CNTNAP2: variants seen among roughly 807,000 people sequenced by gnomAD.
CNTNAP2 encodes contactin associated protein 2.
Under a neutral mutation model 155.2 loss-of-function variants are expected in CNTNAP2, and 98 were observed. The observed-to-expected ratio is 0.63, with a 90% CI of 0.54 to 0.75. The LOEUF is 0.75. CNTNAP2 is among the 30% of genes least tolerant of loss of function. CNTNAP2 has a pLI of 0.00. For missense variants in CNTNAP2, 1,727 were observed against 1,688.1 expected, an observed-to-expected ratio of 1.02 and a Z score of -0.40; for synonymous variants, 651 against 631.2, an observed-to-expected ratio of 1.03 and a Z score of -0.47.
intron 5 of CNTNAP2, among the ~76,000 whole-genome samples, chr7:147,119,689 G>C (rs913925864): frequency 1.3e-5 from 2 of 151,964 alleles, no homozygotes; most frequent in East Asian, 3.9e-4. Flanking sequence ...GTAAGGTATG[G>C]GGGCATTAGC....
At chr7:147,844,945 T>C (rs1798802691) in intron 13 of CNTNAP2, among the ~76,000 whole-genome samples, 5 of 145,022 alleles carry the variant, frequency 3.4e-5, no homozygotes, top group Middle Eastern at 3.5e-3. Context: ...GGGATGAAGC[T>C]GACTTGATCA....
At position 147,942,287 on chromosome 7, in the gene CNTNAP2, G is replaced by T. The variant is rs57288916; in HGVS notation, c.2256-35575G>T. On this transcript the variant is annotated intron_variant, in intron 14 of 23. Transcript: ENST00000361727. ...CAGCAGCATGTCAGTAGCTGCCAAT[G>T]CTGATCAATTTCCTAGTGACATTGG... is the stretch of plus-strand genomic sequence containing the variant. Among the ~76,000 whole-genome samples, 758 of 152,276 alleles carry T rather than the reference G, an allele frequency of 5.0e-3. 2 individuals are homozygous for T. The highest frequency in any genetic ancestry group is 0.018 in the African/African-American group (733 of 41,560).
At chr7:147,223,536 G>A (rs533370341) in intron 8 of CNTNAP2, among the ~76,000 whole-genome samples, 1 of 152,286 alleles carries the variant, frequency 6.6e-6, no homozygotes, top group African/African-American at 2.4e-5. Flanking sequence ...ATGCACTGGG[G>A]AAAAGCATTG....
At chr7:147,561,134 A>G (rs1800055764) in intron 11 of CNTNAP2, among the ~76,000 whole-genome samples, 1 of 152,080 alleles carries the variant, frequency 6.6e-6, no homozygotes, top group African/African-American at 2.4e-5. Flanking sequence ...GGACCATGCA[A>G]TTATTTTTAA....
intron 21 of CNTNAP2, among the ~76,000 whole-genome samples, chr7:148,301,306 A>AAAATAT: frequency 0.012 from 1,272 of 103,780 alleles, 24 homozygotes; most frequent in African/African-American, 0.015. Flanking sequence ...AAAAAAAAAA[A>AAAATAT]ATATATATAT....
chr7:147,690,498 C>A (rs1796071752), intron 13 of CNTNAP2, among the ~76,000 whole-genome samples: 1 of 152,048 alleles, frequency 6.6e-6, no homozygotes, highest in Admixed American at 6.6e-5. Context: ...ATGATGGTGA[C>A]CACAATCATA....
chr7:148,162,956 C>A (rs145337206), intron 17 of CNTNAP2, among the ~76,000 whole-genome samples: 1 of 152,146 alleles, frequency 6.6e-6, no homozygotes, highest in African/African-American at 2.4e-5. Context: ...ACCATGATTG[C>A]GTCACTGCAC....
intron 13 of CNTNAP2, among the ~76,000 whole-genome samples, chr7:147,893,466 T>A (rs1273875059): frequency 6.6e-6 from 1 of 152,180 alleles, no homozygotes; most frequent in Non-Finnish European, 1.5e-5. Flanking sequence ...GGCCTCTTTG[T>A]TTCTTTATAG....
intron 3 of CNTNAP2, among the ~76,000 whole-genome samples, chr7:147,036,785 AG>A (rs1799158315): frequency 6.6e-6 from 1 of 152,168 alleles, no homozygotes; most frequent in Non-Finnish European, 1.5e-5. Context: ...CTTTGCTTTA[AG>A]TTTTTAATTT....
chr7:147,731,568 T>G (rs1476883271), intron 13 of CNTNAP2, among the ~76,000 whole-genome samples: 1 of 152,116 alleles, frequency 6.6e-6, no homozygotes, highest in Non-Finnish European at 1.5e-5. Flanking sequence ...CTGATGGAGA[T>G]ATACAAGAAG....
intron 1 of CNTNAP2, among the ~76,000 whole-genome samples, chr7:146,616,249 C>T (rs932935627): frequency 2.0e-5 from 3 of 151,948 alleles, no homozygotes; most frequent in Non-Finnish European, 2.9e-5. Context: ...CAAAGGATCA[C>T]GGTGAGGGGA....
chr7:147,706,940 T>A (rs1487917639), intron 13 of CNTNAP2, among the ~76,000 whole-genome samples: 1 of 152,170 alleles, frequency 6.6e-6, no homozygotes, highest in Non-Finnish European at 1.5e-5. Flanking sequence ...ATGTATTTTT[T>A]ATTTCATTTA....
chr7:147,411,700 G>A (rs552189437), intron 10 of CNTNAP2, among the ~76,000 whole-genome samples: 6 of 152,148 alleles, frequency 3.9e-5, no homozygotes, highest in African/African-American at 7.2e-5. Flanking sequence ...CAGAAGTTCC[G>A]TGCAACATTT....
chr7:147,683,201 A>G (rs969661521), intron 13 of CNTNAP2, among the ~76,000 whole-genome samples: 3 of 151,922 alleles, frequency 2.0e-5, no homozygotes, highest in African/African-American at 4.8e-5. Flanking sequence ...TACTCTGTGT[A>G]TTTGTCCAAC....
In CNTNAP2 at chr7:146,189,819, G is replaced by A. The variant is rs891029527; in HGVS notation, c.97+72846G>A. 2.2e-4 allele frequency among the ~76,000 whole-genome samples: 33 copies of A among 152,256 alleles called. No individual in the cohort carries two copies. In the East Asian group the frequency reaches 6.4e-3, roughly 29 times the overall value. ...TGCTCATTTAATGTAATCATTTGAA[G>A]CCTTATCACACTTCAATTGAAAGTA... is the stretch of plus-strand genomic sequence containing the variant. On this transcript the variant is annotated intron_variant, in intron 1 of 23. Transcript: ENST00000361727.
At chr7:147,953,572 A>G (rs1800972717) in intron 14 of CNTNAP2, among the ~76,000 whole-genome samples, 1 of 152,208 alleles carries the variant, frequency 6.6e-6, no homozygotes, top group South Asian at 2.1e-4. Context: ...TGCTGATTAG[A>G]GTAATAAGTG....
At chr7:146,978,577 G>GTT (rs1797956314) in intron 3 of CNTNAP2, among the ~76,000 whole-genome samples, 1 of 151,884 alleles carries the variant, frequency 6.6e-6, no homozygotes, top group South Asian at 2.1e-4. Context: ...TCCTCATTGT[G>GTT]TTCTCTCTCT....
chr7:147,056,917 C>A (rs552931292), intron 4 of CNTNAP2, among the ~76,000 whole-genome samples: 1 of 152,108 alleles, frequency 6.6e-6, no homozygotes, highest in East Asian at 1.9e-4. Flanking sequence ...ACTACAGGTG[C>A]ACACCACCAT....
At chr7:146,622,186 TATATACATATATATACACAC>T (rs1220558668) in intron 1 of CNTNAP2, among the ~76,000 whole-genome samples, 4 of 128,024 alleles carry the variant, frequency 3.1e-5, no homozygotes, top group African/African-American at 1.4e-4. Flanking sequence ...TATATACACA[TATATACATATATATACACAC>T]ATATACACGT....
Sources: gnomAD v4.1 joint callset for allele counts (sites outside exome capture counted in the v4.1 genomes callset) on GRCh38, gnomAD v4.1.1 for gene constraint, MANE v1.5 for transcripts, NCBI Gene and HGNC (gene_info 2026-07-23, HGNC 2026-07-21) for gene names.